LRRC4C: variants seen among roughly 807,000 people sequenced by gnomAD.
LRRC4C encodes leucine-rich repeat-containing protein 4C.
LRRC4C carries 5 observed loss-of-function variants against 33.6 expected under a neutral mutation model. The ratio of observed to expected loss-of-function variants is 0.15; its 90% CI spans 0.08 to 0.31. LRRC4C has a LOEUF of 0.31. Among genes scored for constraint, LRRC4C ranks in the 10% least tolerant of loss-of-function variants. LRRC4C has a pLI of 1.00. For missense variants in LRRC4C, 560 were observed against 796.7 expected, an observed-to-expected ratio of 0.70 and a Z score of 3.58; for synonymous variants, 329 against 302.0, an observed-to-expected ratio of 1.09 and a Z score of -0.93.
intron 3 of LRRC4C, among the ~76,000 whole-genome samples, chr11:40,371,669 T>C (rs1342649047): frequency 6.6e-6 from 1 of 152,174 alleles, no homozygotes; most frequent in African/African-American, 2.4e-5. Flanking sequence ...AAGATGAATA[T>C]GTAAGATAAA....
chr11:40,418,027 G>C (rs545481076), intron 3 of LRRC4C, among the ~76,000 whole-genome samples: 14 of 145,816 alleles, frequency 9.6e-5, no homozygotes, highest in African/African-American at 3.5e-4. Context: ...CTTGGTGAAA[G>C]AGCAAAGGCA....
At chr11:40,475,711 C>T (rs1953181453) in intron 3 of LRRC4C, among the ~76,000 whole-genome samples, 1 of 152,114 alleles carries the variant, frequency 6.6e-6, no homozygotes, top group Admixed American at 6.6e-5. Context: ...CTTTGATATA[C>T]ACAATTGATA....
chr11:40,322,640 A>G (rs1945909023), intron 3 of LRRC4C, among the ~76,000 whole-genome samples: 1 of 152,150 alleles, frequency 6.6e-6, no homozygotes, highest in Admixed American at 6.5e-5. Context: ...GAGTCAGACA[A>G]TCTAAGGTCA....
chr11:41,094,762 A>G (rs954756413), intron 1 of LRRC4C, among the ~76,000 whole-genome samples: 1 of 152,144 alleles, frequency 6.6e-6, no homozygotes, highest in African/African-American at 2.4e-5. Context: ...CAATGGGTCC[A>G]TCTCTCTTAC....
At position 41,233,352 on chromosome 11, in the gene LRRC4C, A is replaced by G. The variant is rs1433264947; in HGVS notation, c.-496+226079T>C. Among the ~76,000 whole-genome samples, 8 of 152,178 alleles carry G rather than the reference A, an allele frequency of 5.3e-5. No homozygotes were observed. In the East Asian group the frequency reaches 1.5e-3, roughly 29 times the overall value. On this transcript the variant is annotated intron_variant, in intron 1 of 6. Coordinates refer to ENST00000528697, the MANE Select transcript of LRRC4C (RefSeq NM_001258419.2). The stretch of plus-strand genomic sequence containing the variant: ...ATTGTTAATATCAATATTACTTATA[A>G]TATTACAAAAAACCTGAGAAAGTCT...
intron 3 of LRRC4C, among the ~76,000 whole-genome samples, chr11:40,438,585 G>C (rs1951245010): frequency 6.6e-6 from 1 of 152,126 alleles, no homozygotes. Context: ...TGAATAAACA[G>C]ATATTTTATC....
intron 1 of LRRC4C, among the ~76,000 whole-genome samples, chr11:41,315,006 G>T (rs531304425): frequency 6.6e-6 from 1 of 152,196 alleles, no homozygotes; most frequent in South Asian, 2.1e-4. Flanking sequence ...AATTCTCAAT[G>T]TCATAACCTA....
At chr11:41,111,462 A>G (rs1047625666) in intron 1 of LRRC4C, among the ~76,000 whole-genome samples, 1 of 152,074 alleles carries the variant, frequency 6.6e-6, no homozygotes, top group Non-Finnish European at 1.5e-5. Flanking sequence ...TAGATAAAGT[A>G]TATTAAACTA....
chr11:41,178,603 C>A (rs942803065), intron 1 of LRRC4C, among the ~76,000 whole-genome samples: 11 of 152,168 alleles, frequency 7.2e-5, no homozygotes, highest in Non-Finnish European at 2.9e-5. Context: ...GCAAACTGCC[C>A]ATCTCAGCCT....
chr11:40,474,679 A>T (rs1953118496), intron 3 of LRRC4C, among the ~76,000 whole-genome samples: 1 of 152,214 alleles, frequency 6.6e-6, no homozygotes, highest in Non-Finnish European at 1.5e-5. Flanking sequence ...TTTGCAATTT[A>T]TTCATCTGAC....
intron 1 of LRRC4C, among the ~76,000 whole-genome samples, chr11:41,378,220 A>G (rs1310309334): frequency 1.3e-5 from 2 of 152,156 alleles, no homozygotes; most frequent in Non-Finnish European, 2.9e-5. Context: ...TCAAAGAGAA[A>G]CAGATGCAGC....
At chr11:40,724,085 C>T (rs1947165879) in intron 2 of LRRC4C, among the ~76,000 whole-genome samples, 1 of 151,298 alleles carries the variant, frequency 6.6e-6, no homozygotes, top group African/African-American at 2.4e-5. Flanking sequence ...TATACACAAC[C>T]AATATCGGAG....
At position 40,851,510 on chromosome 11, in the gene LRRC4C, T is replaced by G. The variant is rs145872703; in HGVS notation, c.-407+82125A>C. 2.9e-3 allele frequency among the ~76,000 whole-genome samples: 436 copies of G among 152,312 alleles called. 3 individuals are homozygous for G. Among genetic ancestry groups the G allele is most frequent in the African/African-American group, 0.01 (418 of 41,572 alleles). On this transcript the variant is annotated intron_variant, in intron 2 of 6. Transcript: ENST00000528697. Reference sequence around the variant, plus strand: ...AGTGAGATGAACTGGCTACCTCAGTTGGAAATGCAGTAATCACCTGCCTTC... The same window carrying G: ...AGTGAGATGAACTGGCTACCTCAGTGGGAAATGCAGTAATCACCTGCCTTC...
intron 2 of LRRC4C, among the ~76,000 whole-genome samples, chr11:40,873,341 A>G (rs1215403683): frequency 1.3e-5 from 2 of 152,176 alleles, no homozygotes; most frequent in African/African-American, 4.8e-5. Context: ...ATAGTTTGAG[A>G]TCTGGATGTT....
At chr11:40,872,317 T>TAAAA (rs34490125) in intron 2 of LRRC4C, among the ~76,000 whole-genome samples, 2 of 146,196 alleles carry the variant, frequency 1.4e-5, no homozygotes, top group Non-Finnish European at 1.5e-5. Context: ...GGCTGAAAGT[T>TAAAA]AAAAAAAAAA....
intron 1 of LRRC4C, among the ~76,000 whole-genome samples, chr11:41,032,076 G>GA (rs780969912): frequency 1.3e-5 from 2 of 152,066 alleles, no homozygotes; most frequent in South Asian, 4.1e-4. Context: ...TAAACAGAAG[G>GA]AAAAAATAAC....
chr11:40,364,812 C>T (rs747175032), intron 3 of LRRC4C, among the ~76,000 whole-genome samples: 13 of 151,762 alleles, frequency 8.6e-5, no homozygotes, highest in Non-Finnish European at 1.8e-4. Flanking sequence ...TAGACCCACT[C>T]CTACAGAGGA....
chr11:40,844,816 G>C (rs1591863270), intron 2 of LRRC4C, among the ~76,000 whole-genome samples: 1 of 152,094 alleles, frequency 6.6e-6, no homozygotes, highest in Non-Finnish European at 1.5e-5. Context: ...TCGCATACTT[G>C]AACATTGCTA....
intron 4 of LRRC4C, among the ~76,000 whole-genome samples, chr11:40,252,101 A>G (rs1481783008): frequency 6.6e-6 from 1 of 152,064 alleles, no homozygotes. Context: ...TAAACCACAC[A>G]ATATTATTCA....
Sources: gnomAD v4.1 joint callset for allele counts (sites outside exome capture counted in the v4.1 genomes callset) on GRCh38, gnomAD v4.1.1 for gene constraint, MANE v1.5 for transcripts, NCBI Gene and HGNC (gene_info 2026-07-23, HGNC 2026-07-21) for gene names.